NEK7: variants seen among roughly 807,000 people sequenced by gnomAD.
NEK7 encodes serine/threonine-protein kinase Nek7.
In NEK7, 18 loss-of-function variants were observed where a neutral mutation model predicts 44.6. That is an observed-to-expected ratio of 0.40 (90% confidence interval 0.28 to 0.60). The LOEUF (loss-of-function observed/expected upper bound fraction) is 0.60, where lower values mean the gene tolerates loss of function less well. Ranked by LOEUF, NEK7 falls within the 20% of genes least tolerant of loss-of-function variation. The probability of loss-of-function intolerance (pLI) is 0.38; values close to 1 mark genes in which losing one functional copy is unlikely to be tolerated. For synonymous variants in NEK7, 130 were observed against 121.1 expected, an observed-to-expected ratio of 1.07 and a Z score of -0.48; for missense variants, 256 against 366.5, an observed-to-expected ratio of 0.70 and a Z score of 2.46.
At chr1:198,257,083 T>C (rs1007653607) in intron 3 of NEK7, among the ~76,000 whole-genome samples, 1 of 152,222 alleles carries the variant, frequency 6.6e-6, no homozygotes, top group Non-Finnish European at 1.5e-5. Flanking sequence ...TAATTTCGCT[T>C]TGCTTACTCT....
At chr1:198,214,511 GAC>G (rs1243446709) in intron 1 of NEK7, among the ~76,000 whole-genome samples, 1 of 152,160 alleles carries the variant, frequency 6.6e-6, no homozygotes, top group Non-Finnish European at 1.5e-5. Context: ...GGAAAAGAAA[GAC>G]ACATTTAGGG....
Position 198,191,875 on chromosome 1 carries a change from CATTG to C in NEK7, c.-29+34605_-29+34608del, listed in dbSNP as rs141855952. Among the ~76,000 whole-genome samples, 803 of 152,018 alleles carry C rather than the reference CATTG, an allele frequency of 5.3e-3. 13 individuals carry two copies. Among genetic ancestry groups the C allele is most frequent in the African/African-American group, 0.019 (781 of 41,496 alleles). ...AATTGATAACCAGCTATCCTGATAC[CATTG>C]ATTGAATAGTCTATACTTCATCCAC... On this transcript the variant is annotated intron_variant, in intron 1 of 9. Transcript: ENST00000367385.
chr1:198,292,195 TTTTG>T (rs781383688), intron 7 of NEK7, among the ~76,000 whole-genome samples: 6 of 152,022 alleles, frequency 3.9e-5, no homozygotes, highest in African/African-American at 7.2e-5. Context: ...ACATATATGC[TTTTG>T]TTTATTTTCA....
At chr1:198,229,080 G>A (rs1220514153) in intron 1 of NEK7, among the ~76,000 whole-genome samples, 1 of 152,210 alleles carries the variant, frequency 6.6e-6, no homozygotes, top group East Asian at 1.9e-4. Context: ...AAGCTGAACA[G>A]ACAGGCCTGG....
chr1:198,242,297 A>AAAATGT (rs1666705685), intron 2 of NEK7, among the ~76,000 whole-genome samples: 3 of 152,112 alleles, frequency 2.0e-5, no homozygotes, highest in Middle Eastern at 3.2e-3. Context: ...ATCAGAACAC[A>AAAATGT]GTATGGTGCT....
intron 1 of NEK7, among the ~76,000 whole-genome samples, chr1:198,210,785 C>G (rs1665744167): frequency 8.7e-6 from 1 of 114,714 alleles, no homozygotes; most frequent in African/African-American, 3.5e-5. Context: ...CGGAGTCTCG[C>G]TCTGTCGCCC....
At chr1:198,224,641 CTATT>C (rs1666159372) in intron 1 of NEK7, among the ~76,000 whole-genome samples, 1 of 151,442 alleles carries the variant, frequency 6.6e-6, no homozygotes, top group African/African-American at 2.4e-5. Context: ...GAAAATGTAG[CTATT>C]TATTTTATAT....
chr1:198,181,774 A>C (rs1558044872), intron 1 of NEK7, among the ~76,000 whole-genome samples: 3 of 152,222 alleles, frequency 2.0e-5, no homozygotes, highest in African/African-American at 7.2e-5. Flanking sequence ...TTATTTGAAA[A>C]ATTTCACTGG....
intron 9 of NEK7, among the ~76,000 whole-genome samples, chr1:198,313,060 A>T (rs909169346): frequency 1.3e-5 from 2 of 151,706 alleles, no homozygotes; most frequent in Non-Finnish European, 1.5e-5. Flanking sequence ...CCCATTATTA[A>T]TGTGTGGGAG....
chr1:198,234,699 C>A (rs1174551507), intron 2 of NEK7, among the ~76,000 whole-genome samples: 1 of 152,188 alleles, frequency 6.6e-6, no homozygotes, highest in Non-Finnish European at 1.5e-5. Context: ...AGCGATTCTG[C>A]ATTTCTTTTT....
intron 2 of NEK7, among the ~76,000 whole-genome samples, chr1:198,242,498 A>G: frequency 1.7e-5 from 2 of 118,202 alleles, no homozygotes; most frequent in African/African-American, 3.3e-5. Context: ...TTTGAGACAG[A>G]GTTTCGCTCT....
intron 9 of NEK7, among the ~76,000 whole-genome samples, chr1:198,308,846 C>A (rs187539148): frequency 1.4e-4 from 22 of 152,242 alleles, no homozygotes; most frequent in Admixed American, 2.6e-4. Flanking sequence ...TCTCTCCCCC[C>A]CTTTTATATA....
intron 5 of NEK7, among the ~76,000 whole-genome samples, chr1:198,265,565 A>G (rs534881376): frequency 1.3e-5 from 2 of 152,224 alleles, no homozygotes; most frequent in African/African-American, 2.4e-5. Flanking sequence ...GTGATTGGTT[A>G]GGAGTACATA....
At chr1:198,279,799 T>G (rs990077971) in intron 7 of NEK7, among the ~76,000 whole-genome samples, 6 of 151,960 alleles carry the variant, frequency 3.9e-5, no homozygotes, top group African/African-American at 1.2e-4. Context: ...GAAATGAGCA[T>G]CTGAATTAGT....
At chr1:198,222,688 G>C (rs12076564) in intron 1 of NEK7, among the ~76,000 whole-genome samples, 1 of 152,000 alleles carries the variant, frequency 6.6e-6, no homozygotes, top group African/African-American at 2.4e-5. Flanking sequence ...TATTCATTCA[G>C]CGATGTTTAT....
chr1:198,197,838 G>T, intron 1 of NEK7: 1 of 828,536 alleles, frequency 1.2e-6, no homozygotes. Flanking sequence ...TGGTGCTTGT[G>T]CATCTTTTTG....
At chr1:198,256,239 G>A (rs1653259060) in intron 3 of NEK7, 2 of 1,384,898 alleles carry the variant, frequency 1.4e-6, no homozygotes, top group Non-Finnish European at 1.9e-6. Flanking sequence ...AGTTTTTAAG[G>A]CCCTTCCCTA....
chr1:198,227,392 G>A (rs1411117234), intron 1 of NEK7, among the ~76,000 whole-genome samples: 4 of 152,188 alleles, frequency 2.6e-5, no homozygotes, highest in Non-Finnish European at 4.4e-5. Context: ...CCAGTAATGG[G>A]ATGGCTGGGT....
At chr1:198,239,557 G>A (rs183147924) in intron 2 of NEK7, among the ~76,000 whole-genome samples, 28 of 152,124 alleles carry the variant, frequency 1.8e-4, no homozygotes, top group African/African-American at 6.5e-4. Context: ...ACAATAATGA[G>A]ATTACTTTGA....
Sources: allele counts gnomAD v4.1 joint callset (sites outside exome capture counted in the v4.1 genomes callset), GRCh38; gene constraint gnomAD v4.1.1; transcripts MANE v1.5; gene names NCBI Gene and HGNC (gene_info 2026-07-23, HGNC 2026-07-21).